GNAI3: variants seen among roughly 807,000 people sequenced by gnomAD.
The protein encoded by GNAI3 is guanine nucleotide-binding protein G(i) subunit alpha-3.
GNAI3 carries 12 observed loss-of-function variants against 41.8 expected under a neutral mutation model. The ratio of observed to expected loss-of-function variants is 0.29; its 90% CI spans 0.18 to 0.47. The LOEUF (loss-of-function observed/expected upper bound fraction) is 0.47, where lower values mean the gene tolerates loss of function less well. Ranked by LOEUF, GNAI3 falls within the 20% of genes least tolerant of loss-of-function variation. The probability of loss-of-function intolerance (pLI) is 1.00; values close to 1 mark genes in which losing one functional copy is unlikely to be tolerated. For missense variants in GNAI3, 360 were observed against 429.6 expected (o/e 0.84, Z 1.43); for synonymous variants, 132 against 146.5 (o/e 0.90, Z 0.71).
intron 1 of GNAI3, among the ~76,000 whole-genome samples, chr1:109,552,413 A>G (rs1455872618): frequency 6.6e-6 from 1 of 152,040 alleles, no homozygotes; most frequent in Non-Finnish European, 1.5e-5. Flanking sequence ...CTCTTGTATA[A>G]TTCATGAATT....
In GNAI3 at chr1:109,594,748, G is replaced by T. The variant is rs915809459; in HGVS notation, c.*2426G>T. 4 of 149,586 alleles carry T rather than the reference G, an allele frequency of 2.7e-5. No individual in the cohort carries two copies. The highest frequency in any genetic ancestry group is 1.4e-4 in the Admixed American group (2 of 14,792). The allele number at this position is 149,586 out of a possible 1,614,324, so 9.3% of individuals were successfully genotyped here. ...GCTTATTGCAAGCTCTGCCTCCCGGGTTCATGCTATTCTCCTGCTGGGACT... is the reference window on the plus strand; with the variant it reads ...GCTTATTGCAAGCTCTGCCTCCCGGTTTCATGCTATTCTCCTGCTGGGACT... On this transcript the variant is annotated 3_prime_UTR_variant, in exon 9 of 9. Coordinates refer to ENST00000369851, the MANE Select transcript of GNAI3 (RefSeq NM_006496.4).
In GNAI3 at chr1:109,595,730, T is replaced by C. The variant is rs1002431160; in HGVS notation, c.*3408T>C. The C allele has an allele frequency of 1.3e-5, 2 of 152,162 alleles. No homozygotes were observed. The highest frequency in any genetic ancestry group is 2.9e-5 in the Non-Finnish European group (2 of 68,032). 9.4% of individuals were successfully genotyped at this position (152,162 alleles called of 1,614,324 possible). On this transcript the variant is annotated 3_prime_UTR_variant, in exon 9 of 9. Coordinates refer to ENST00000369851, the MANE Select transcript of GNAI3 (RefSeq NM_006496.4). ...TGTGACATAGTTCTGGAATTTCCTG[T>C]TGCAGAACTCCTTGCTGTATTGCAG...
At chr1:109,566,999 A>C (rs1648474790) in intron 1 of GNAI3, among the ~76,000 whole-genome samples, 1 of 152,256 alleles carries the variant, frequency 6.6e-6, no homozygotes, top group African/African-American at 2.4e-5. Flanking sequence ...TTAGTTGTAG[A>C]TACTCACAAT....
intron 1 of GNAI3, among the ~76,000 whole-genome samples, chr1:109,555,063 T>C (rs1426372630): frequency 2.6e-5 from 4 of 152,176 alleles, no homozygotes; most frequent in African/African-American, 7.2e-5. Flanking sequence ...CGTCCCATGC[T>C]CATGGATGGG....
intron 3 of GNAI3, among the ~76,000 whole-genome samples, chr1:109,575,832 A>G (rs528132357): frequency 6.6e-6 from 1 of 151,414 alleles, no homozygotes; most frequent in African/African-American, 2.4e-5. Context: ...TCCCGGCCCC[A>G]TTTCTTTCCA....
At chr1:109,587,654 G>C (rs1571162921) in intron 7 of GNAI3, among the ~76,000 whole-genome samples, 2 of 152,088 alleles carry the variant, frequency 1.3e-5, no homozygotes, top group African/African-American at 4.8e-5. Context: ...TTGGAGAGAT[G>C]GTCAGAGATC....
intron 4 of GNAI3, among the ~76,000 whole-genome samples, chr1:109,581,792 G>A (rs1339318807): frequency 6.6e-6 from 1 of 151,996 alleles, no homozygotes; most frequent in African/African-American, 2.4e-5. Flanking sequence ...AGGAGGCTGA[G>A]GCAGGAGAAT....
chr1:109,572,352 A>C (rs1648626942), intron 1 of GNAI3, among the ~76,000 whole-genome samples: 1 of 152,108 alleles, frequency 6.6e-6, no homozygotes, highest in South Asian at 2.1e-4. Context: ...GAGAGAGGAG[A>C]TTGAGGAGTG....
intron 1 of GNAI3, among the ~76,000 whole-genome samples, chr1:109,551,722 C>G (rs555574763): frequency 1.4e-3 from 215 of 152,276 alleles, no homozygotes; most frequent in African/African-American, 5.0e-3. Flanking sequence ...ATTAGCTATT[C>G]TTATTAAGTC....
Position 109,591,610 on chromosome 1 carries a change from A to G in GNAI3, c.875-433A>G, listed in dbSNP as rs1649173981. 2.4e-5 allele frequency: 11 copies of G among 467,834 alleles called. No homozygotes were observed. The South Asian group carries it at 2.4e-4, about 10-fold the overall frequency. 29.0% of individuals were successfully genotyped at this position (467,834 alleles called of 1,614,324 possible). A position where few individuals can be genotyped will look rare whatever the true frequency, so the allele number is the denominator to read the frequency against. On this transcript the variant is annotated intron_variant, in intron 7 of 8. Transcript: ENST00000369851. Reference sequence around the variant, plus strand: ...TGCTAATCTTCTCTGTATTGTTCCAATTTTAGTACATGTGCTACCAAAGCA... The same window carrying G: ...TGCTAATCTTCTCTGTATTGTTCCAGTTTTAGTACATGTGCTACCAAAGCA...
In GNAI3 at chr1:109,548,675, G is replaced by A; in HGVS notation, c.-46G>A. The A allele has an allele frequency of 7.3e-7, 1 of 1,362,908 alleles. No individual in the cohort carries two copies. The allele number at this position is 1,362,908 out of a possible 1,614,324, so 84.4% of individuals were successfully genotyped here. Reference sequence around the variant, plus strand: ...CTCAGCCTGCCGAGCCGCAGTTTCCGTGGTGTGAGTGAGTCCGGGCCCGTG... The same window carrying A: ...CTCAGCCTGCCGAGCCGCAGTTTCCATGGTGTGAGTGAGTCCGGGCCCGTG... On this transcript the variant is annotated 5_prime_UTR_variant, in exon 1 of 9. In the 5' UTR this introduces an upstream ATG that the reference lacks. Coordinates refer to ENST00000369851, the MANE Select transcript of GNAI3 (RefSeq NM_006496.4).
chr1:109,559,657 C>T (rs971578868), intron 1 of GNAI3, among the ~76,000 whole-genome samples: 58 of 152,188 alleles, frequency 3.8e-4, no homozygotes, highest in African/African-American at 1.3e-3. Context: ...CATGAAGTAC[C>T]CCTAATGTAC....
chr1:109,559,030 T>C (rs752057434), intron 1 of GNAI3, among the ~76,000 whole-genome samples: 8 of 151,768 alleles, frequency 5.3e-5, no homozygotes, highest in African/African-American at 2.4e-5. Flanking sequence ...TACAAAAAAT[T>C]AGCTGGGCAT....
rs1649375295 is a variant in GNAI3 at position 109,598,743 on chromosome 1, AAGAC to A, written c.*6425_*6428del. Reference sequence around the variant, plus strand: ...TATACTAGTGCTTTTTCATGGCAAAAAGACAGAAAAGTTCCCTTCTGCAGTCTCC... The same window carrying A: ...TATACTAGTGCTTTTTCATGGCAAAAAGAAAAGTTCCCTTCTGCAGTCTCC... On this transcript the variant is annotated 3_prime_UTR_variant, in exon 9 of 9. Transcript: ENST00000369851. 1 of 313,998 alleles carries A rather than the reference AAGAC, an allele frequency of 3.2e-6. No individual in the cohort carries two copies. The highest frequency in any genetic ancestry group is 3.4e-5 in the Admixed American group (1 of 29,602). The allele number at this position is 313,998 out of a possible 1,614,324, so 19.5% of individuals were successfully genotyped here.
intron 4 of GNAI3, among the ~76,000 whole-genome samples, chr1:109,580,996 G>A (rs913928080): frequency 1.3e-5 from 2 of 152,172 alleles, no homozygotes; most frequent in African/African-American, 4.8e-5. Context: ...ATCAAAGGTA[G>A]ATTATAATTG....
At chr1:109,576,950 C>CA (rs1208651908) in intron 3 of GNAI3, among the ~76,000 whole-genome samples, 2 of 148,268 alleles carry the variant, frequency 1.3e-5, no homozygotes, top group Admixed American at 6.7e-5. Context: ...GTCAGGACAG[C>CA]AAAAAAAGTA....
chr1:109,564,635 T>C (rs1648403687), intron 1 of GNAI3, among the ~76,000 whole-genome samples: 1 of 152,178 alleles, frequency 6.6e-6, no homozygotes, highest in South Asian at 2.1e-4. Context: ...GCTCATCTTT[T>C]AGAGCTAGGT....
chr1:109,573,136 G>A (rs1648652819), intron 1 of GNAI3, among the ~76,000 whole-genome samples: 1 of 152,106 alleles, frequency 6.6e-6, no homozygotes, highest in African/African-American at 2.4e-5. Context: ...TCTAGCAGGT[G>A]GATTTGTCAA....
In GNAI3 at chr1:109,586,826, T is replaced by A. The variant is rs781004958; in HGVS notation, c.818T>A (p.Leu273His). ...SIILFLNKKD[L>H]FEEKIKRSPL... The stretch of plus-strand genomic sequence containing the variant: ...ATTCTCTTCCTTAACAAGAAAGACC[T>A]TTTTGAGGAAAAAATAAAGAGGAGT... The change falls in exon 7 of 9, where the codon CTT becomes CAT. Residue 273 changes from leucine to histidine, a missense_variant. Leu to His is a moderately conservative substitution (Grantham distance 99, BLOSUM62 -3). Coordinates refer to ENST00000369851, the MANE Select transcript of GNAI3 (RefSeq NM_006496.4). The A allele has an allele frequency of 1.3e-6, 2 of 1,596,590 alleles. No individual in the cohort carries two copies. Among genetic ancestry groups the A allele is most frequent in the South Asian group, 2.2e-5 (2 of 90,680 alleles).
Sources: gnomAD v4.1 joint callset for allele counts (sites outside exome capture counted in the v4.1 genomes callset) on GRCh38, gnomAD v4.1.1 for gene constraint, MANE v1.5 for transcripts, NCBI Gene and HGNC (gene_info 2026-07-23, HGNC 2026-07-21) for gene names.